UBA52: variants seen among roughly 807,000 people sequenced by gnomAD.
UBA52 encodes ubiquitin A-52 residue ribosomal protein fusion product 1.
In UBA52, 1 loss-of-function variant was observed where a neutral mutation model predicts 15.3. That is an observed-to-expected ratio of 0.07 (90% CI 0.02 to 0.31). The LOEUF is 0.31. Ranked by LOEUF, UBA52 falls within the 10% of genes least tolerant of loss-of-function variation. The pLI, the probability that UBA52 is intolerant of heterozygous loss-of-function variation, is 1.00. For synonymous variants in UBA52, 50 were observed against 58.3 expected, an observed-to-expected ratio of 0.86 and a Z score of 0.65; for missense variants, 87 against 168.0, an observed-to-expected ratio of 0.52 and a Z score of 2.66.
At chr19:18,571,531 C>G (rs1292297866), upstream of UBA52, among the ~76,000 whole-genome samples, 1 of 152,228 alleles carries the variant, frequency 6.6e-6, no homozygotes, top group Non-Finnish European at 1.5e-5. Context: ...CTGCTTAATA[C>G]CTTTGCTTTA....
the UBA52 span, chr19:18,565,308 C>A: frequency 1.6e-6 from 1 of 630,422 alleles, no homozygotes; most frequent in East Asian, 3.2e-5. Context: ...CAGCTCACTG[C>A]AAGCTCCGCT....
the UBA52 span, among the ~76,000 whole-genome samples, chr19:18,565,574 C>T: frequency 2.0e-5 from 3 of 151,964 alleles, no homozygotes; most frequent in African/African-American, 4.8e-5. Context: ...AGTGCAGTGG[C>T]GTGATCTTGG....
chr19:18,564,841 G>A, the UBA52 span: 1 of 1,611,980 alleles, frequency 6.2e-7, no homozygotes, highest in African/African-American at 1.3e-5. Flanking sequence ...GCTGGGCAGT[G>A]AAGCTCATGC....
chr19:18,575,100 A>G lies in UBA52; in HGVS notation c.337A>G (p.Lys113Glu). Residue 113 changes from lysine to glutamate, a missense_variant, in exon 5 of 5, where the codon AAG becomes GAG. Physicochemically the swap from Lys to Glu is moderately conservative, Grantham distance 56. Transcript: ENST00000442744. ...CCCTCGTGCTGTCAACTGCCGCAAG[A>G]AGAAGTGTGGTCACACCAACAACCT... Reference protein sequence around the residue: ...LHPRAVNCRKKKCGHTNNLRP... With the variant: ...LHPRAVNCRKEKCGHTNNLRP... 6.2e-7 allele frequency: 1 copy of G among 1,614,178 alleles called. No individual in the cohort carries two copies. Among genetic ancestry groups the G allele is most frequent in the Non-Finnish European group, 8.5e-7 (1 of 1,180,032 alleles).
upstream of UBA52, among the ~76,000 whole-genome samples, chr19:18,568,209 G>A (rs1209163846): frequency 6.6e-6 from 1 of 150,914 alleles, no homozygotes. Flanking sequence ...GGAGGTTGCA[G>A]TGAGCCGAGA....
upstream of UBA52, among the ~76,000 whole-genome samples, chr19:18,570,396 C>T (rs115223008): frequency 8.4e-3 from 1,274 of 151,810 alleles, 18 homozygotes; most frequent in African/African-American, 0.029. Flanking sequence ...GAGACAGGGT[C>T]TCACTATGTC....
chr19:18,565,915 T>C, the UBA52 span, among the ~76,000 whole-genome samples: 64 of 152,344 alleles, frequency 4.2e-4, no homozygotes, highest in Non-Finnish European at 8.2e-4. Flanking sequence ...CTCAAACTCC[T>C]GAGCTCCAGC....
At chr19:18,570,118 A>G (rs944286372), upstream of UBA52, among the ~76,000 whole-genome samples, 1 of 152,154 alleles carries the variant, frequency 6.6e-6, no homozygotes, top group African/African-American at 2.4e-5. Context: ...GTGCCTGCAA[A>G]TGTTCAAGGA....
At chr19:18,566,455 CAAAA>C in the UBA52 span, among the ~76,000 whole-genome samples, 1 of 116,654 alleles carries the variant, frequency 8.6e-6, no homozygotes, top group South Asian at 2.8e-4. Flanking sequence ...GACTCCGTCT[CAAAA>C]AAAAAAAAAA....
chr19:18,568,324 G>T, upstream of UBA52: 4 of 1,067,072 alleles, frequency 3.7e-6, no homozygotes, highest in Non-Finnish European at 4.3e-6. Context: ...CAGCCGTTAG[G>T]GGTCACATGG....
At position 18,571,882 on chromosome 19, in the gene UBA52, G is replaced by C. The variant is rs1034782839; in HGVS notation, c.-36G>C. On this transcript the variant is annotated 5_prime_UTR_variant, in exon 1 of 5. Coordinates refer to ENST00000442744, the MANE Select transcript of UBA52 (RefSeq NM_001033930.3). ...CTTCTTTTTCTTCAGCGAGGCGGCCGAGCTGGTTGGTGGCGGCGGTCGTGC... is the reference window on the plus strand; with the variant it reads ...CTTCTTTTTCTTCAGCGAGGCGGCCCAGCTGGTTGGTGGCGGCGGTCGTGC... The C allele has an allele frequency of 1.3e-5, 2 of 153,080 alleles. No homozygotes were observed. The highest frequency in any genetic ancestry group is 2.9e-5 in the Non-Finnish European group (2 of 68,706). The allele number at this position is 153,080 out of a possible 1,614,324, so 9.5% of individuals were successfully genotyped here.
chr19:18,567,135 G>A (rs757166156), upstream of UBA52: 31 of 1,614,072 alleles, frequency 1.9e-5, no homozygotes, highest in Admixed American at 2.5e-4. Context: ...CCTGCAGGAC[G>A]CTGAAAGGGA....
the UBA52 span, among the ~76,000 whole-genome samples, chr19:18,564,100 T>G: frequency 2.6e-5 from 4 of 152,016 alleles, no homozygotes; most frequent in Admixed American, 6.6e-5. Flanking sequence ...TTGGCAAGGC[T>G]GGTCTCGAAC....
chr19:18,564,181 G>A, the UBA52 span, among the ~76,000 whole-genome samples: 8 of 151,914 alleles, frequency 5.3e-5, no homozygotes, highest in African/African-American at 9.7e-5. Flanking sequence ...CCCCATGCCC[G>A]GCTGGTCTCC....
the UBA52 span, among the ~76,000 whole-genome samples, chr19:18,564,052 A>T: frequency 6.6e-6 from 1 of 151,924 alleles, no homozygotes. Context: ...ATGCCCAGCC[A>T]ATTTTTGTAT....
At chr19:18,566,341 G>A in the UBA52 span, among the ~76,000 whole-genome samples, 3 of 151,880 alleles carry the variant, frequency 2.0e-5, no homozygotes, top group Admixed American at 6.6e-5. Context: ...GGTGGTGGGC[G>A]TCTGTATTGC....
At chr19:18,574,152 T>C (rs1975654829) in intron 3 of UBA52, among the ~76,000 whole-genome samples, 1 of 150,500 alleles carries the variant, frequency 6.6e-6, no homozygotes, top group Admixed American at 6.6e-5. Context: ...GGCATGGTGG[T>C]GCGTGCCTGT....
chr19:18,573,463 G>A (rs1223634788), intron 2 of UBA52, 60 bp downstream of exon 2: 1 of 1,463,380 alleles, frequency 6.8e-7, no homozygotes, highest in Non-Finnish European at 9.5e-7. Flanking sequence ...TCTGCCCAGG[G>A]GAGTCTCAGT....
the UBA52 span, among the ~76,000 whole-genome samples, chr19:18,564,618 G>A: frequency 2.0e-5 from 3 of 152,102 alleles, no homozygotes; most frequent in African/African-American, 7.2e-5. Context: ...GCAAGACTCT[G>A]TCTCAAAAAA....
Sources: allele counts gnomAD v4.1 joint callset (sites outside exome capture counted in the v4.1 genomes callset), GRCh38; gene constraint gnomAD v4.1.1; transcripts MANE v1.5; gene names NCBI Gene and HGNC (gene_info 2026-07-23, HGNC 2026-07-21).